Variants in MICAL2 observed in about 807,000 individuals in gnomAD.
The protein encoded by MICAL2 is [F-actin]-monooxygenase MICAL2.
A neutral mutation model predicts 127.3 loss-of-function variants in MICAL2; 77 were observed. The ratio of observed to expected loss-of-function variants is 0.60; its 90% confidence interval spans 0.50 to 0.73. The LOEUF (loss-of-function observed/expected upper bound fraction) is 0.73, where lower values mean the gene tolerates loss of function less well. Ranked by LOEUF, MICAL2 falls within the 30% of genes least tolerant of loss-of-function variation. MICAL2 has a pLI of 0.00. For synonymous variants in MICAL2, 570 were observed against 551.1 expected, an observed-to-expected ratio of 1.03 and a Z score of -0.48; for missense variants, 1,351 against 1,434.4, an observed-to-expected ratio of 0.94 and a Z score of 0.94.
intron 8 of MICAL2, 144 bp downstream of exon 8, chr11:12,216,463 T>G: frequency 1.5e-6 from 1 of 647,678 alleles, no homozygotes; most frequent in East Asian, 2.7e-5. Flanking sequence ...TTCTTTTTCT[T>G]GGTGTTACAT....
intron 15 of MICAL2, among the ~76,000 whole-genome samples, chr11:12,233,188 C>A (rs1302652765): frequency 6.6e-6 from 1 of 152,164 alleles, no homozygotes; most frequent in Admixed American, 6.5e-5. Context: ...TCTGTGATTT[C>A]ATTACTCTCA....
intron 29 of MICAL2, among the ~76,000 whole-genome samples, chr11:12,312,933 G>T (rs533875874): frequency 1.3e-5 from 2 of 152,052 alleles, no homozygotes; most frequent in Non-Finnish European, 2.9e-5. Flanking sequence ...TTGGGAGGCC[G>T]AGATGGGCGG....
intron 32 of MICAL2, among the ~76,000 whole-genome samples, chr11:12,342,255 G>A (rs1170690521): frequency 3.3e-5 from 5 of 152,208 alleles, no homozygotes; most frequent in Middle Eastern, 3.2e-3. Context: ...TCCCAGCCAT[G>A]CCCTGAAAGG....
intron 6 of MICAL2, among the ~76,000 whole-genome samples, chr11:12,212,937 A>G (rs1039703314): frequency 6.6e-6 from 1 of 152,224 alleles, no homozygotes; most frequent in Non-Finnish European, 1.5e-5. Context: ...TGGGTCTCTC[A>G]TGAGTGTATC....
intron 3 of MICAL2, among the ~76,000 whole-genome samples, chr11:12,165,435 CAAGG>C (rs1855386659): frequency 6.6e-6 from 1 of 152,210 alleles, no homozygotes; most frequent in African/African-American, 2.4e-5. Flanking sequence ...GAGCATTAGT[CAAGG>C]AAGAAATGCT....
At chr11:12,162,994 A>T (rs1458625303) in intron 3 of MICAL2, among the ~76,000 whole-genome samples, 1 of 152,156 alleles carries the variant, frequency 6.6e-6, no homozygotes, top group East Asian at 1.9e-4. Context: ...GCTAAGAAAT[A>T]GGTCTAGGTC....
chr11:12,306,612 T>G (rs745859874), intron 29 of MICAL2, among the ~76,000 whole-genome samples: 1 of 152,234 alleles, frequency 6.6e-6, no homozygotes, highest in Non-Finnish European at 1.5e-5. Context: ...TCTTTAGAAT[T>G]AATCCCTTTT....
chr11:12,161,966 G>C, intron 2 of MICAL2, 113 bp from the exon 3 acceptor site: 4 of 660,756 alleles, frequency 6.1e-6, no homozygotes. Context: ...ACACTAAATA[G>C]TGTGGTTAAT....
chr11:12,319,774 A>G (rs1864272135), exon 30 of MICAL2: 2 of 1,613,990 alleles, frequency 1.2e-6, no homozygotes, highest in South Asian at 1.1e-5. Context: ...TCCTCTGCAG[A>G]TGAAGAATTT....
chr11:12,139,137 C>G (rs575525087), intron 2 of MICAL2, among the ~76,000 whole-genome samples: 21 of 152,286 alleles, frequency 1.4e-4, no homozygotes, highest in African/African-American at 4.3e-4. Context: ...CTCAAGGTGA[C>G]AGGGCTCACT....
intron 2 of MICAL2, among the ~76,000 whole-genome samples, chr11:12,159,314 T>C (rs951065255): frequency 1.3e-5 from 2 of 152,220 alleles, no homozygotes; most frequent in South Asian, 2.1e-4. Context: ...AAACTGTTCA[T>C]AATTTTAGAC....
At chr11:12,274,149 A>G (rs1286631902), upstream of MICAL2, among the ~76,000 whole-genome samples, 1 of 152,142 alleles carries the variant, frequency 6.6e-6, no homozygotes, top group Non-Finnish European at 1.5e-5. Flanking sequence ...CACTGTGGAG[A>G]GGGAGGAGGG....
intron 3 of MICAL2, among the ~76,000 whole-genome samples, chr11:12,184,247 G>A (rs1335330560): frequency 2.0e-5 from 3 of 152,198 alleles, no homozygotes; most frequent in Non-Finnish European, 2.9e-5. Flanking sequence ...GATTACCTTT[G>A]TCATGATTAC....
chr11:12,316,886 C>T (rs1185203116), intron 29 of MICAL2, among the ~76,000 whole-genome samples: 5 of 152,164 alleles, frequency 3.3e-5, no homozygotes, highest in Non-Finnish European at 7.4e-5. Context: ...ATAACCTTTA[C>T]TCTAGGGCTA....
In MICAL2 at chr11:12,259,840, C is replaced by A; in HGVS notation, c.3277C>A (p.Pro1093Thr). The change falls in exon 26 of 28, where the codon CCC becomes ACC. Residue 1093 changes from proline to threonine, a missense_variant. Pro to Thr is a conservative substitution (Grantham distance 38). Coordinates refer to ENST00000683283, the MANE Select transcript of MICAL2 (RefSeq NM_001282663.2). ...GCAGGAAGCCCCTCGGAGAGACACT[C>A]CCACCGAAAGTTCTTGCGCAGTGGC... ...QEQEAPRRDTPTESSCAVAAI... is the reference protein window; with the variant it reads ...QEQEAPRRDTTTESSCAVAAI... 1 of 1,596,836 alleles carries A rather than the reference C, an allele frequency of 6.3e-7. No homozygotes were observed. The highest frequency in any genetic ancestry group is 1.1e-5 in the South Asian group (1 of 88,672).
intron 2 of MICAL2, among the ~76,000 whole-genome samples, chr11:12,141,224 G>T (rs56298816): frequency 6.6e-6 from 1 of 152,174 alleles, no homozygotes; most frequent in Non-Finnish European, 1.5e-5. Flanking sequence ...AGAGAGCCAT[G>T]TTCTAGTGTT....
At chr11:12,283,284 G>C (rs1430671793) in intron 2 of MICAL2, among the ~76,000 whole-genome samples, 1 of 148,702 alleles carries the variant, frequency 6.7e-6, no homozygotes, top group East Asian at 2.1e-4. Flanking sequence ...TAGACCAAGG[G>C]AATGCCAGAC....
rs534085829 is a variant in MICAL2, at chr11:12,213,988, C to G, written c.847+578C>G. Reference sequence around the variant, plus strand: ...GATAGGAGGTATTGATTCATTCACTCAATATTTATTGAATGCCTACTGTGT... The same window carrying G: ...GATAGGAGGTATTGATTCATTCACTGAATATTTATTGAATGCCTACTGTGT... On this transcript the variant is annotated intron_variant, in intron 7 of 27. Transcript: ENST00000683283. Among the ~76,000 whole-genome samples the G allele has an allele frequency of 1.8e-4, 28 of 152,266 alleles. No individual in the cohort carries two copies. In the South Asian group the frequency reaches 5.6e-3, roughly 30 times the overall value.
chr11:12,319,261 C>G (rs1262312135), intron 29 of MICAL2, among the ~76,000 whole-genome samples: 3 of 152,166 alleles, frequency 2.0e-5, no homozygotes, highest in African/African-American at 7.2e-5. Flanking sequence ...TGTTTAAGAG[C>G]TGGCTCCAAC....
Sources: gnomAD v4.1 joint callset for allele counts (sites outside exome capture counted in the v4.1 genomes callset) on GRCh38, gnomAD v4.1.1 for gene constraint, MANE v1.5 for transcripts, NCBI Gene and HGNC (gene_info 2026-07-23, HGNC 2026-07-21) for gene names.